The following EHBP1 variants were observed in gnomAD, a reference collection of about 807,000 sequenced individuals.
EHBP1 encodes EH domain-binding protein 1.
EHBP1 carries 55 observed loss-of-function variants against 144.0 expected under a neutral mutation model. The ratio of observed to expected loss-of-function variants is 0.38; its 90% CI spans 0.31 to 0.48. EHBP1 has a LOEUF of 0.48. EHBP1 is among the 20% of genes least tolerant of loss of function. EHBP1 has a pLI of 0.98. For missense variants in EHBP1, 1,200 were observed against 1,364.2 expected, an observed-to-expected ratio of 0.88 and a Z score of 1.90; for synonymous variants, 469 against 472.7, an observed-to-expected ratio of 0.99 and a Z score of 0.10.
At chr2:62,714,958 C>CT (rs781201906) in intron 2 of EHBP1, among the ~76,000 whole-genome samples, 181 of 152,236 alleles carry the variant, frequency 1.2e-3, no homozygotes, top group Middle Eastern at 0.01. Context: ...GGTTTTATAA[C>CT]TTTATTTCCT....
chr2:62,868,646 C>T (rs2050225677), intron 9 of EHBP1, among the ~76,000 whole-genome samples: 1 of 105,588 alleles, frequency 9.5e-6, no homozygotes, highest in African/African-American at 3.6e-5. Context: ...ACTCTTTTAA[C>T]TCAGTAATAA....
intron 10 of EHBP1, among the ~76,000 whole-genome samples, chr2:62,935,154 C>T (rs1361241474): frequency 6.6e-6 from 1 of 151,666 alleles, no homozygotes; most frequent in African/African-American, 2.4e-5. Context: ...ATGGTGAAAC[C>T]GTGTCTCTAC....
chr2:62,814,798 C>T (rs765188429), intron 5 of EHBP1, among the ~76,000 whole-genome samples: 1 of 152,134 alleles, frequency 6.6e-6, no homozygotes, highest in Non-Finnish European at 1.5e-5. Context: ...TGAAACAATA[C>T]TACATTGAAG....
intron 10 of EHBP1, among the ~76,000 whole-genome samples, chr2:62,878,657 T>A (rs1009194880): frequency 1.3e-5 from 2 of 152,116 alleles, no homozygotes; most frequent in African/African-American, 4.8e-5. Flanking sequence ...TAAGGTTGGT[T>A]CAAAATATGT....
chr2:62,836,040 G>C (rs1381651177), intron 7 of EHBP1, among the ~76,000 whole-genome samples: 1 of 151,994 alleles, frequency 6.6e-6, no homozygotes, highest in Non-Finnish European at 1.5e-5. Context: ...CTGGGGGCAG[G>C]GCACAGACAA....
chr2:62,731,886 T>C (rs1182723882), intron 2 of EHBP1, among the ~76,000 whole-genome samples: 5 of 152,196 alleles, frequency 3.3e-5, no homozygotes. Context: ...ACAAAACAGT[T>C]GTCATAAGGG....
chr2:62,944,462 T>C (rs1348291670), intron 12 of EHBP1, among the ~76,000 whole-genome samples: 1 of 152,228 alleles, frequency 6.6e-6, no homozygotes, highest in Non-Finnish European at 1.5e-5. Context: ...TATAGGAATA[T>C]GCTGTGCAGC....
intron 19 of EHBP1, among the ~76,000 whole-genome samples, chr2:63,011,609 T>C (rs1300502555): frequency 6.6e-6 from 1 of 151,984 alleles, no homozygotes; most frequent in African/African-American, 2.4e-5. Flanking sequence ...AAGTCAAAAA[T>C]GGTTTCTAAT....
At chr2:62,774,038 C>T (rs2041884140) in intron 5 of EHBP1, among the ~76,000 whole-genome samples, 1 of 151,760 alleles carries the variant, frequency 6.6e-6, no homozygotes, top group Non-Finnish European at 1.5e-5. Flanking sequence ...TTGCATAAGC[C>T]AATCTCATGA....
intron 4 of EHBP1, among the ~76,000 whole-genome samples, 197 bp downstream of exon 4, chr2:62,764,558 G>C (rs1045348790): frequency 2.0e-5 from 3 of 152,018 alleles, no homozygotes; most frequent in African/African-American, 7.2e-5. Context: ...GGATCTTCTT[G>C]AACTTATTAC....
intron 2 of EHBP1, among the ~76,000 whole-genome samples, chr2:62,718,181 T>C (rs1305487579): frequency 6.6e-6 from 1 of 152,212 alleles, no homozygotes; most frequent in African/African-American, 2.4e-5. Context: ...TGAGAGAATA[T>C]GGCTGAGAAA....
At chr2:62,814,581 T>C (rs1057083552) in intron 5 of EHBP1, among the ~76,000 whole-genome samples, 6 of 152,236 alleles carry the variant, frequency 3.9e-5, no homozygotes, top group African/African-American at 1.4e-4. Context: ...TTAAGAGTTC[T>C]GATGGATAAG....
intron 7 of EHBP1, among the ~76,000 whole-genome samples, chr2:62,840,514 C>G (rs1394291774): frequency 1.3e-5 from 2 of 149,744 alleles, no homozygotes. Flanking sequence ...TAAAGAGCTT[C>G]TGCACAGCAA....
At chr2:62,929,511 A>G (rs188965972) in intron 10 of EHBP1, among the ~76,000 whole-genome samples, 98 of 152,350 alleles carry the variant, frequency 6.4e-4, no homozygotes, top group South Asian at 1.2e-3. Flanking sequence ...AGCATTTGAT[A>G]GAATTCTATA....
At chr2:62,768,885 A>G (rs1424746172) in intron 4 of EHBP1, among the ~76,000 whole-genome samples, 1 of 152,228 alleles carries the variant, frequency 6.6e-6, no homozygotes, top group Admixed American at 6.5e-5. Flanking sequence ...AATGTGATTC[A>G]TTACATAAAT....
chr2:62,963,144 G>A (rs2058078059), intron 14 of EHBP1, among the ~76,000 whole-genome samples: 1 of 152,220 alleles, frequency 6.6e-6, no homozygotes, highest in South Asian at 2.1e-4. Flanking sequence ...TAACCACACA[G>A]TGACTTTTTT....
intron 10 of EHBP1, among the ~76,000 whole-genome samples, chr2:62,893,169 T>C (rs1198191213): frequency 6.6e-6 from 1 of 152,204 alleles, no homozygotes; most frequent in Non-Finnish European, 1.5e-5. Context: ...AAATGAACAA[T>C]ATATGGCTTG....
chr2:62,868,910 C>T (rs2050248800), intron 9 of EHBP1, among the ~76,000 whole-genome samples: 2 of 152,054 alleles, frequency 1.3e-5, no homozygotes, highest in Non-Finnish European at 2.9e-5. Flanking sequence ...GCTATGATCA[C>T]TCCATTGCAC....
intron 10 of EHBP1, among the ~76,000 whole-genome samples, chr2:62,917,266 C>G (rs886065303): frequency 2.0e-5 from 3 of 152,078 alleles, no homozygotes; most frequent in African/African-American, 7.2e-5. Context: ...GCATTCCAGC[C>G]TGAGCAGCAG....
Sources: gnomAD v4.1 joint callset for allele counts (sites outside exome capture counted in the v4.1 genomes callset) on GRCh38, gnomAD v4.1.1 for gene constraint, MANE v1.5 for transcripts, NCBI Gene and HGNC (gene_info 2026-07-23, HGNC 2026-07-21) for gene names.